SF3B2: variants seen among roughly 807,000 people sequenced by gnomAD.
The protein encoded by SF3B2 is splicing factor 3b subunit 2, also known as SAP 145.
A neutral mutation model predicts 116.3 loss-of-function variants in SF3B2; 22 were observed. That is an observed-to-expected ratio of 0.19 (90% confidence interval 0.14 to 0.27). The LOEUF (loss-of-function observed/expected upper bound fraction) is 0.27. SF3B2 is among the 10% of genes least tolerant of loss of function. The pLI, the probability that SF3B2 is intolerant of heterozygous loss-of-function variation, is 1.00. For missense variants in SF3B2, 767 were observed against 1,151.4 expected, an observed-to-expected ratio of 0.67 and a Z score of 4.83; for synonymous variants, 406 against 421.6, an observed-to-expected ratio of 0.96 and a Z score of 0.45.
rs1857018864 is a variant in SF3B2, at chr11:66,057,344, C to T, written c.746C>T (p.Pro249Leu). The T allele has an allele frequency of 2.0e-6, 3 of 1,527,722 alleles. No individual in the cohort carries two copies. The highest frequency in any genetic ancestry group is 3.3e-5 in the Admixed American group (2 of 59,884). 94.6% of individuals were successfully genotyped at this position (1,527,722 alleles called of 1,614,324 possible). Reference sequence around the variant, plus strand: ...GCCCCTGTTCCCCGGCCTCGTGGTCCCCCACCGCCCCCTGGAGATGAGAAC... The same window carrying T: ...GCCCCTGTTCCCCGGCCTCGTGGTCTCCCACCGCCCCCTGGAGATGAGAAC... ...MGAPVPRPRGPPPPPGDENRE... is the reference protein window; with the variant it reads ...MGAPVPRPRGLPPPPGDENRE... The change falls in exon 7 of 22, where the codon CCC (proline) becomes CTC (leucine). Residue 249 changes from proline to leucine, a missense_variant. By Grantham distance (98) the Pro-to-Leu change is moderately conservative (BLOSUM62 -3). This residue lies in a region of SF3B2 where 455 missense variants were observed against 537.5 expected (regional missense o/e 0.85). Transcript: ENST00000322535.
In SF3B2 at chr11:66,068,039, G is replaced by A; in HGVS notation, c.2424G>A (p.Met808Ile). ...AMMGSTHIYD[M>I]STVMSRKGPA... ...TGGGATCAACCCACATTTATGACAT[G>A]TCCACGGTGAGTACTTGGAGGATAC... Residue 808 changes from methionine to isoleucine, a missense_variant, in exon 20 of 22, where the codon ATG becomes ATA. Physicochemically the swap from Met to Ile is conservative, Grantham distance 10. Transcript: ENST00000322535. 4 of 1,613,998 alleles carry A rather than the reference G, an allele frequency of 2.5e-6. No individual in the cohort carries two copies. In the South Asian group the frequency reaches 3.3e-5, roughly 13 times the overall value.
At chr11:66,052,925 G>A in intron 2 of SF3B2, 102 bp from the exon 3 acceptor site, 1 of 1,308,192 alleles carries the variant, frequency 7.6e-7, no homozygotes, top group Admixed American at 1.7e-5. Context: ...CAGAGCGCTG[G>A]CAGACAGGCA....
At chr11:66,058,678 C>T (rs1477556732) in intron 9 of SF3B2, 152 bp from the exon 10 acceptor site, 2 of 692,578 alleles carry the variant, frequency 2.9e-6, no homozygotes, top group Admixed American at 2.9e-5. Context: ...AGTCTGACTC[C>T]AAGGCCCCTT....
chr11:66,059,424 T>C lies in SF3B2; in HGVS notation c.1320+86T>C. On this transcript the variant is annotated intron_variant, in intron 11 of 21. Transcript: ENST00000322535. This position sits in a 1 kb window ranked among gnomAD's most constrained non-coding sequence, Gnocchi z 5.0. ...CCAGAGAGGGACCATGGTGAACTCT[T>C]ACAGAGCTTTGGTGGCTTAAGGTTG... 1 of 1,610,008 alleles carries C rather than the reference T, an allele frequency of 6.2e-7. No individual in the cohort carries two copies. Among genetic ancestry groups the C allele is most frequent in the Non-Finnish European group, 8.5e-7 (1 of 1,176,622 alleles).
At position 66,052,424 on chromosome 11, in the gene SF3B2, C is replaced by T; in HGVS notation, c.40C>T (p.Gln14Ter). 6.2e-7 allele frequency: 1 copy of T among 1,613,100 alleles called. No homozygotes were observed. Among genetic ancestry groups the T allele is most frequent in the African/African-American group, 1.3e-5 (1 of 75,024 alleles). ...TCCCGAGCCTCCCAAAGCAGAATTG[C>T]AGCTGCCGCCGCCGCCACCTCCAGG... ...EHPEPPKAEL[Q>*]LPPPPPPGHY... The change falls in exon 1 of 22, where the codon CAG becomes TAG. Residue 14 changes from glutamine (Q) to a stop codon, truncating the protein, a stop_gained. Coordinates refer to ENST00000322535, the MANE Select transcript of SF3B2 (RefSeq NM_006842.3). LOFTEE classifies it high-confidence loss of function.
At chr11:66,066,422 G>T (rs1241148734) in intron 19 of SF3B2, 3 of 152,238 alleles carry the variant, frequency 2.0e-5, no homozygotes, top group Non-Finnish European at 4.4e-5. Context: ...GGGATTACAG[G>T]TGTGAGCCAT....
At chr11:66,058,756 G>A (rs1855581787) in intron 9 of SF3B2, 74 bp from the exon 10 acceptor site, 3 of 1,255,282 alleles carry the variant, frequency 2.4e-6, no homozygotes, top group Non-Finnish European at 3.4e-6. Context: ...GAGAATGGGG[G>A]AGGAGTTTAG....
intron 19 of SF3B2, chr11:66,066,627 T>C (rs1295955159): frequency 1.3e-5 from 2 of 152,226 alleles, no homozygotes; most frequent in Non-Finnish European, 2.9e-5. Context: ...GTCCTCCCCA[T>C]TGTGAGGCAC....
In SF3B2 at chr11:66,057,335, C is replaced by A. The variant is rs771761232; in HGVS notation, c.737C>A (p.Pro246His). The change falls in exon 7 of 22, where the codon CCT becomes CAT. Residue 246 changes from proline to histidine, a missense_variant. Pro to His is a moderately conservative substitution (Grantham distance 77, BLOSUM62 -2). Coordinates refer to ENST00000322535, the MANE Select transcript of SF3B2 (RefSeq NM_006842.3). ...CCCATGGGAGCCCCTGTTCCCCGGC[C>A]TCGTGGTCCCCCACCGCCCCCTGGA... Reference protein sequence around the residue: ...VLPMGAPVPRPRGPPPPPGDE... With the variant: ...VLPMGAPVPRHRGPPPPPGDE... The A allele has an allele frequency of 1.4e-4, 220 of 1,592,266 alleles. No homozygotes were observed. Among genetic ancestry groups the A allele is most frequent in the Non-Finnish European group, 1.8e-4 (207 of 1,160,074 alleles).
At position 66,058,945 on chromosome 11, in the gene SF3B2, A is replaced by G; in HGVS notation, c.1082A>G (p.Asp361Gly). Reference sequence around the variant, plus strand: ...GACTCAACCCGGTCCCGTGGCTCTGATTCCCCAGCAGCTGATGTTGAGATT... The same window carrying G: ...GACTCAACCCGGTCCCGTGGCTCTGGTTCCCCAGCAGCTGATGTTGAGATT... Reference protein sequence around the residue: ...EKDSTRSRGSDSPAADVEIEY... With the variant: ...EKDSTRSRGSGSPAADVEIEY... The change falls in exon 10 of 22, where the codon GAT becomes GGT. Residue 361 changes from aspartate (D) to glycine (G), a missense_variant. Around this residue, in one of 4 missense-constraint regions of SF3B2, gnomAD observed 455 missense variants for 537.5 expected, o/e 0.85. Coordinates refer to ENST00000322535, the MANE Select transcript of SF3B2 (RefSeq NM_006842.3). 6.2e-7 allele frequency: 1 copy of G among 1,614,170 alleles called. No individual in the cohort carries two copies. Among genetic ancestry groups the G allele is most frequent in the South Asian group, 1.1e-5 (1 of 91,080 alleles).
intron 9 of SF3B2, 180 bp downstream of exon 9, chr11:66,058,585 A>G (rs1229576858): frequency 3.2e-6 from 2 of 630,434 alleles, no homozygotes; most frequent in Non-Finnish European, 5.5e-6. Context: ...ACGTGCCTAC[A>G]TTTTACAGCT....
At position 66,061,668 on chromosome 11, in the gene SF3B2, G is replaced by A. The variant is rs1857101907; in HGVS notation, c.1780-18G>A. 1 of 1,595,480 alleles carries A rather than the reference G, an allele frequency of 6.3e-7. No individual in the cohort carries two copies. The highest frequency in any genetic ancestry group is 8.6e-7 in the Non-Finnish European group (1 of 1,163,022). On this transcript the variant is annotated intron_variant, in intron 14 of 21. Transcript: ENST00000322535. Reference sequence around the variant, plus strand: ...AGTGTCTGGGTCTACAATGTAGCATGCTCTGCTTTTCCCTCAGGGGAAGGA... The same window carrying A: ...AGTGTCTGGGTCTACAATGTAGCATACTCTGCTTTTCCCTCAGGGGAAGGA...
Position 66,054,948 on chromosome 11 carries a change from C to G in SF3B2, c.259-128C>G, listed in dbSNP as rs548020219. On this transcript the variant is annotated intron_variant, in intron 3 of 21. Transcript: ENST00000322535. ...TTTATAGAGCTGTGGAGCATTCTCT[C>G]TTATGGAGTGGTAACTATGTATCAT... The G allele has an allele frequency of 3.4e-6, 3 of 891,472 alleles. No homozygotes were observed. In the South Asian group the frequency reaches 6.0e-5, roughly 18 times the overall value. 55.2% of individuals were successfully genotyped at this position (891,472 alleles called of 1,614,324 possible).
intron 3 of SF3B2, 152 bp downstream of exon 3, chr11:66,053,256 T>C (rs1372240059): frequency 1.3e-6 from 1 of 753,318 alleles, no homozygotes; most frequent in Non-Finnish European, 2.3e-6. Context: ...AGATTCCATA[T>C]GTTCAGGGTA....
Position 66,056,975 on chromosome 11 carries a change from G to A in SF3B2, c.667+20G>A. On this transcript the variant is annotated intron_variant, in intron 6 of 21. Transcript: ENST00000322535. ...CTCGAGGTGAGACCCTGGAACCGAG[G>A]GGAAGGGCAAGGAAGGTGATTTAGA... 1 of 1,559,486 alleles carries A rather than the reference G, an allele frequency of 6.4e-7. No individual in the cohort carries two copies. The highest frequency in any genetic ancestry group is 8.8e-7 in the Non-Finnish European group (1 of 1,130,316).
chr11:66,059,185 T>C lies in SF3B2; in HGVS notation c.1183-16T>C. 1 of 1,614,048 alleles carries C rather than the reference T, an allele frequency of 6.2e-7. No homozygotes were observed. The highest frequency in any genetic ancestry group is 8.5e-7 in the Non-Finnish European group (1 of 1,180,014). On this transcript the variant is annotated splice_polypyrimidine_tract_variant and intron_variant, in intron 10 of 21. Transcript: ENST00000322535. The surrounding 1 kb of genome is among the most constrained non-coding windows in gnomAD (Gnocchi z 5.0). ...GGGCTCAGAGGGCAGGGGTTTCACC[T>C]TGTCTGCCTCCTTAGCTCACTGATG...
At chr11:66,053,626 T>TG (rs1856932008) in intron 3 of SF3B2, 1 of 157,104 alleles carries the variant, frequency 6.4e-6, no homozygotes, top group Non-Finnish European at 1.4e-5. Context: ...GAGCTCTGGT[T>TG]GCGCCACTGT....
In SF3B2 at chr11:66,068,523, C is replaced by G. The variant is rs1430881298; in HGVS notation, c.2617-151C>G. 10 of 843,538 alleles carry G rather than the reference C, an allele frequency of 1.2e-5. No homozygotes were observed. The East Asian group carries it at 2.7e-4, about 22-fold the overall frequency. The allele number at this position is 843,538 out of a possible 1,614,324, so 52.3% of individuals were successfully genotyped here. On this transcript the variant is annotated intron_variant, in intron 21 of 21. Coordinates refer to ENST00000322535, the MANE Select transcript of SF3B2 (RefSeq NM_006842.3). ...CTTTAAGGACGATGAGGGGGAGGAA[C>G]TCAGCCAAGTCTGAGAGGGAGCTCG...
In SF3B2 at chr11:66,059,364, A is replaced by G; in HGVS notation, c.1320+26A>G. 6.2e-7 allele frequency: 1 copy of G among 1,613,568 alleles called. No individual in the cohort carries two copies. The highest frequency in any genetic ancestry group is 8.5e-7 in the Non-Finnish European group (1 of 1,179,712). On this transcript the variant is annotated intron_variant, in intron 11 of 21. Coordinates refer to ENST00000322535, the MANE Select transcript of SF3B2 (RefSeq NM_006842.3). This position sits in a 1 kb window ranked among gnomAD's most constrained non-coding sequence, Gnocchi z 5.0. ...GTCAGGCCCAGCCCTCCTGGTGGGA[A>G]GCAGGGACTCTGGGCACAGGTGGCT...
Sources: gnomAD v4.1 joint callset for allele counts on GRCh38, gnomAD v4.1.1 for gene constraint, gnomAD v4.1.1 regional missense constraint, Gnocchi (gnomAD v3.1) non-coding constraint, MANE v1.5 for transcripts, NCBI Gene and HGNC (gene_info 2026-07-23, HGNC 2026-07-21) for gene names.